FHOD3: variants seen among roughly 807,000 people sequenced by gnomAD.
FHOD3 encodes the protein formin homology 2 domain containing 3, also known as FH1/FH2 domain-containing protein 3.
In FHOD3, 90 loss-of-function variants were observed where a neutral mutation model predicts 173.0. The ratio of observed to expected loss-of-function variants is 0.52; its 90% confidence interval spans 0.44 to 0.62. The LOEUF is 0.62. Ranked by LOEUF, FHOD3 falls within the 20% of genes least tolerant of loss-of-function variation. The pLI is 0.00. For missense variants in FHOD3, 1,945 were observed against 2,034.7 expected (o/e 0.96, Z 0.85); for synonymous variants, 828 against 823.0 (o/e 1.01, Z -0.10).
chr18:36,352,997 G>A (rs1483219611), intron 1 of FHOD3, among the ~76,000 whole-genome samples: 4 of 152,144 alleles, frequency 2.6e-5, no homozygotes, highest in Non-Finnish European at 5.9e-5. Flanking sequence ...GTGATGGTTG[G>A]CTCAGGAGAC....
At chr18:36,402,589 C>T (rs1398095779) in intron 3 of FHOD3, among the ~76,000 whole-genome samples, 1 of 151,756 alleles carries the variant, frequency 6.6e-6, no homozygotes, top group Non-Finnish European at 1.5e-5. Flanking sequence ...TCCAAGGTCA[C>T]ACAGCTAGCA....
chr18:36,382,292 C>G (rs965157801), intron 3 of FHOD3, among the ~76,000 whole-genome samples: 2 of 152,160 alleles, frequency 1.3e-5, no homozygotes, highest in African/African-American at 4.8e-5. Context: ...TGTGGCTCTT[C>G]CTGTCACTGC....
chr18:36,760,015 C>G (rs958410851), intron 26 of FHOD3, among the ~76,000 whole-genome samples: 1 of 152,074 alleles, frequency 6.6e-6, no homozygotes, highest in Non-Finnish European at 1.5e-5. Flanking sequence ...CTTTTGGGGT[C>G]CCTGGCAAGC....
intron 5 of FHOD3, among the ~76,000 whole-genome samples, chr18:36,529,576 T>C (rs1046701601): frequency 6.6e-6 from 1 of 152,076 alleles, no homozygotes; most frequent in Admixed American, 6.6e-5. Flanking sequence ...CCTAGCACTT[T>C]GGGAGGCTGA....
intron 6 of FHOD3, among the ~76,000 whole-genome samples, chr18:36,586,239 C>T (rs1023276624): frequency 5.9e-5 from 9 of 152,186 alleles, no homozygotes; most frequent in Non-Finnish European, 1.2e-4. Context: ...TGGAAAGAAT[C>T]AGATTGACCT....
At chr18:36,313,524 T>C (rs1280359793) in intron 1 of FHOD3, among the ~76,000 whole-genome samples, 1 of 152,180 alleles carries the variant, frequency 6.6e-6, no homozygotes, top group Non-Finnish European at 1.5e-5. Flanking sequence ...ATAGAATCAT[T>C]TCGTGTGTAG....
chr18:36,622,631 G>C (rs2033802927), intron 9 of FHOD3, among the ~76,000 whole-genome samples: 1 of 152,340 alleles, frequency 6.6e-6, no homozygotes, highest in African/African-American at 2.4e-5. Flanking sequence ...TAGAGGTCTT[G>C]CAGGACTGGC....
intron 9 of FHOD3, among the ~76,000 whole-genome samples, chr18:36,617,316 GC>G (rs915464817): frequency 2.0e-5 from 3 of 152,146 alleles, no homozygotes; most frequent in Admixed American, 1.3e-4. Context: ...TTCTCAGTCT[GC>G]CCCTAAACAA....
rs144699877 is a variant in FHOD3, at chr18:36,370,585, G to A, written c.273-2095G>A. 1.1e-3 allele frequency among the ~76,000 whole-genome samples: 169 copies of A among 152,204 alleles called. 1 individual carries two copies. The Middle Eastern group carries it at 0.02, about 18-fold the overall frequency. On this transcript the variant is annotated intron_variant, in intron 2 of 28. Transcript: ENST00000590592. ...CAGTTGTTTGAAGATACAAGAAGGGGCAACCAATGGACTCTTTCTGAAATT... is the reference window on the plus strand; with the variant it reads ...CAGTTGTTTGAAGATACAAGAAGGGACAACCAATGGACTCTTTCTGAAATT...
chr18:36,556,957 A>G (rs1350396528), intron 5 of FHOD3, among the ~76,000 whole-genome samples: 1 of 152,156 alleles, frequency 6.6e-6, no homozygotes, highest in Non-Finnish European at 1.5e-5. Flanking sequence ...TTCTAGGATG[A>G]CAGGTTTTTT....
At chr18:36,664,104 G>A (rs2036992908) in intron 14 of FHOD3, among the ~76,000 whole-genome samples, 1 of 151,806 alleles carries the variant, frequency 6.6e-6, no homozygotes, top group Non-Finnish European at 1.5e-5. Flanking sequence ...ATTGTCAGTG[G>A]AATTGAGAGC....
In FHOD3 at chr18:36,769,317, T is replaced by C. The variant is rs2043272627; in HGVS notation, c.4677T>C (p.Asp1559=). ...CTGATGACTCGCCCAATGTCACAGA[T>C]GATGCAGCTGATGAGATCATGGACC... ...MGTDDSPNVT[D]DAADEIMDRI... The change falls in exon 28 of 29, where the codon GAT becomes GAC. Residue 1559 remains aspartate, a synonymous_variant. Coordinates refer to ENST00000590592, the MANE Select transcript of FHOD3 (RefSeq NM_001281740.3). The C allele has an allele frequency of 6.2e-7, 1 of 1,614,110 alleles. No homozygotes were observed. Among genetic ancestry groups the C allele is most frequent in the Non-Finnish European group, 8.5e-7 (1 of 1,180,048 alleles).
intron 3 of FHOD3, among the ~76,000 whole-genome samples, chr18:36,403,365 T>G (rs1261504213): frequency 6.6e-6 from 1 of 152,170 alleles, no homozygotes; most frequent in East Asian, 1.9e-4. Flanking sequence ...GTTCACAAAG[T>G]TCCCTAATTC....
intron 6 of FHOD3, among the ~76,000 whole-genome samples, chr18:36,593,821 C>A (rs1376255703): frequency 6.6e-6 from 1 of 152,204 alleles, no homozygotes; most frequent in Non-Finnish European, 1.5e-5. Context: ...CCCCTCAAAG[C>A]GCATTTTGCC....
intron 24 of FHOD3, among the ~76,000 whole-genome samples, chr18:36,753,909 G>A (rs2042516295): frequency 1.3e-5 from 2 of 152,084 alleles, no homozygotes; most frequent in African/African-American, 2.4e-5. Context: ...TTAGTGTTGC[G>A]TTGTAAGATT....
At position 36,419,097 on chromosome 18, in the gene FHOD3, G is replaced by C. The variant is rs1341309758; in HGVS notation, c.337+46353G>C. 3.3e-5 allele frequency among the ~76,000 whole-genome samples: 5 copies of C among 152,118 alleles called. No homozygotes were observed. The South Asian group carries it at 6.2e-4, about 19-fold the overall frequency. ...TCATGGTCTATTACTTTTATAGTAG[G>C]TCTGGCTATAAAGATGTTAAATTTT... On this transcript the variant is annotated intron_variant, in intron 3 of 28. Transcript: ENST00000590592.
chr18:36,424,442 G>T (rs1044750001), intron 3 of FHOD3, among the ~76,000 whole-genome samples: 25 of 152,052 alleles, frequency 1.6e-4, no homozygotes, highest in Admixed American at 1.2e-3. Flanking sequence ...TATTGTTCAT[G>T]TTTATTGTCT....
At chr18:36,347,050 GAC>G (rs1263370702) in intron 1 of FHOD3, among the ~76,000 whole-genome samples, 2 of 152,162 alleles carry the variant, frequency 1.3e-5, no homozygotes, top group African/African-American at 4.8e-5. Context: ...GTGTGGCATG[GAC>G]ACAGTGTCTC....
intron 5 of FHOD3, among the ~76,000 whole-genome samples, chr18:36,513,137 A>C (rs555046367): frequency 6.6e-6 from 1 of 151,720 alleles, no homozygotes; most frequent in East Asian, 1.9e-4. Context: ...TTTTATAGTC[A>C]TAGGTTTTTT....
Sources: gnomAD v4.1 joint callset for allele counts (sites outside exome capture counted in the v4.1 genomes callset) on GRCh38, gnomAD v4.1.1 for gene constraint, MANE v1.5 for transcripts, NCBI Gene and HGNC (gene_info 2026-07-23, HGNC 2026-07-21) for gene names.